The following PDZD9 variants were observed in gnomAD, a reference collection of about 807,000 sequenced individuals.
The protein encoded by PDZD9 is PDZ domain containing 9.
In PDZD9, 13 loss-of-function variants were observed where a neutral mutation model predicts 16.3. The observed-to-expected ratio is 0.80, with a 90% CI of 0.52 to 1.27. PDZD9 has a LOEUF of 1.27. Ranked by LOEUF, PDZD9 falls within the 50% of genes most tolerant of loss-of-function variation. The probability of loss-of-function intolerance (pLI) is 0.00; values close to 1 mark genes in which losing one functional copy is unlikely to be tolerated. For missense variants in PDZD9, 288 were observed against 310.9 expected (o/e 0.93, Z 0.55); for synonymous variants, 120 against 111.0 (o/e 1.08, Z -0.51).
the PDZD9 span, chr16:21,971,533 C>T: frequency 3.7e-6 from 6 of 1,613,184 alleles, no homozygotes; most frequent in Admixed American, 1.0e-4. Flanking sequence ...AGGTGTGAGT[C>T]ATCCTGTTCT....
chr16:21,961,663 TATATA>T, the PDZD9 span, among the ~76,000 whole-genome samples: 1 of 113,286 alleles, frequency 8.8e-6, no homozygotes, highest in Admixed American at 8.9e-5. Flanking sequence ...TATATATATA[TATATA>T]TTTTAGACAG....
downstream of PDZD9, chr16:21,983,010 A>C (rs1237993480): frequency 9.0e-6 from 12 of 1,332,096 alleles, no homozygotes; most frequent in East Asian, 2.6e-4. Flanking sequence ...AATTCTTGAA[A>C]TGACAAAATA....
chr16:21,962,663 A>G, the PDZD9 span: 2 of 1,596,204 alleles, frequency 1.3e-6, no homozygotes, highest in East Asian at 4.5e-5. Flanking sequence ...TTACCACAAG[A>G]CCTAAAGTTT....
At chr16:21,971,739 A>G in the PDZD9 span, 1 of 1,328,474 alleles carries the variant, frequency 7.5e-7, no homozygotes, top group Middle Eastern at 1.8e-4. Context: ...ATAGAATTGG[A>G]TGGCTTGGGT....
At chr16:21,971,577 G>T in the PDZD9 span, 2 of 1,614,160 alleles carry the variant, frequency 1.2e-6, no homozygotes, top group East Asian at 2.2e-5. Context: ...TCAACATGAG[G>T]GGTGGGCTTG....
At chr16:21,991,702 G>C (rs1226820310) in intron 2 of PDZD9, among the ~76,000 whole-genome samples, 1 of 152,156 alleles carries the variant, frequency 6.6e-6, no homozygotes, top group Non-Finnish European at 1.5e-5. Flanking sequence ...ATAGATAAAA[G>C]ATAATGGGGC....
At chr16:21,982,963 C>CAA (rs1036084484), downstream of PDZD9, 2,224 of 535,166 alleles carry the variant, frequency 4.2e-3, no homozygotes, top group African/African-American at 8.0e-3. Flanking sequence ...GACTCCACCT[C>CAA]AAAAAAAAAA....
intron 2 of PDZD9, among the ~76,000 whole-genome samples, chr16:21,992,039 A>G (rs138134632): frequency 6.6e-6 from 1 of 152,332 alleles, no homozygotes; most frequent in African/African-American, 2.4e-5. Context: ...TTCATTATCT[A>G]CATTTCAGGA....
the PDZD9 span, among the ~76,000 whole-genome samples, chr16:21,972,594 G>C: frequency 1.2e-4 from 18 of 152,278 alleles, no homozygotes; most frequent in African/African-American, 4.1e-4. Flanking sequence ...AAAATGAGAG[G>C]CTGGGCACAG....
chr16:21,981,799 C>A (rs1159022241), downstream of PDZD9, among the ~76,000 whole-genome samples: 3 of 151,750 alleles, frequency 2.0e-5, no homozygotes, highest in East Asian at 5.9e-4. Flanking sequence ...AAGATAGTAA[C>A]CCTGACTTGA....
chr16:21,984,694 C>T (rs369956812), intron 3 of PDZD9, 34 bp from the exon 4 acceptor site: 1 of 1,442,890 alleles, frequency 6.9e-7, no homozygotes, highest in Admixed American at 2.5e-5. Context: ...AAAATAGATT[C>T]TTCATGTCTA....
chr16:21,990,764 A>G (rs1899002676), intron 2 of PDZD9, among the ~76,000 whole-genome samples: 1 of 152,246 alleles, frequency 6.6e-6, no homozygotes, highest in South Asian at 2.1e-4. Flanking sequence ...ATTATGTTGT[A>G]AAAGTGTGAC....
chr16:21,983,431 A>G (rs1597973053), downstream of PDZD9: 1 of 447,694 alleles, frequency 2.2e-6, no homozygotes, highest in East Asian at 3.4e-5. Flanking sequence ...GCTTTAAAGG[A>G]GACAGGAATA....
the PDZD9 span, among the ~76,000 whole-genome samples, chr16:21,978,165 T>C: frequency 6.6e-6 from 1 of 152,222 alleles, no homozygotes. Flanking sequence ...ATACTTTTTC[T>C]TGTAAGTTCT....
At chr16:21,972,617 A>G in the PDZD9 span, among the ~76,000 whole-genome samples, 2 of 152,082 alleles carry the variant, frequency 1.3e-5, no homozygotes, top group Non-Finnish European at 2.9e-5. Flanking sequence ...GCTCACAACT[A>G]AAATCCCAGC....
chr16:21,971,703 A>C, the PDZD9 span: 3 of 1,421,760 alleles, frequency 2.1e-6, no homozygotes, highest in South Asian at 1.2e-5. Flanking sequence ...AATAGGCCTG[A>C]ATATTTACTA....
the PDZD9 span, among the ~76,000 whole-genome samples, chr16:21,974,605 T>C: frequency 6.6e-6 from 1 of 152,056 alleles, no homozygotes; most frequent in Admixed American, 6.5e-5. Flanking sequence ...AAATGTGTAG[T>C]GATTAAGGAA....
At chr16:21,992,272 A>G (rs1899042211) in intron 2 of PDZD9, among the ~76,000 whole-genome samples, 1 of 152,174 alleles carries the variant, frequency 6.6e-6, no homozygotes, top group Non-Finnish European at 1.5e-5. Flanking sequence ...TTAAAAAAAG[A>G]TAATAGATGG....
chr16:21,958,580 G>A, the PDZD9 span: 3 of 1,612,088 alleles, frequency 1.9e-6, no homozygotes, highest in South Asian at 2.2e-5. Context: ...TGGAATTGAA[G>A]CAGTTGGTGG....
Sources: allele counts gnomAD v4.1 joint callset (sites outside exome capture counted in the v4.1 genomes callset), GRCh38; gene constraint gnomAD v4.1.1; transcripts MANE v1.5; gene names NCBI Gene and HGNC (gene_info 2026-07-23, HGNC 2026-07-21).